The following LRRIQ1 variants were observed in gnomAD, a reference collection of about 807,000 sequenced individuals.
LRRIQ1 encodes leucine rich repeats and IQ motif containing 1.
A neutral mutation model predicts 211.9 loss-of-function variants in LRRIQ1; 210 were observed. The observed-to-expected ratio is 0.99, with a 90% CI of 0.89 to 1.11. The LOEUF (loss-of-function observed/expected upper bound fraction) is 1.11, where lower values mean the gene tolerates loss of function less well. Among genes scored for constraint, LRRIQ1 ranks in the 50% most tolerant of loss-of-function variants. The probability of loss-of-function intolerance (pLI) is 0.00; values close to 1 mark genes in which losing one functional copy is unlikely to be tolerated. For missense variants in LRRIQ1, 2,136 were observed against 1,939.5 expected, an observed-to-expected ratio of 1.10 and a Z score of -1.90; for synonymous variants, 699 against 650.1, an observed-to-expected ratio of 1.08 and a Z score of -1.14.
intron 1 of LRRIQ1, among the ~76,000 whole-genome samples, chr12:85,260,771 A>C (rs139038191): frequency 1.1e-4 from 16 of 152,310 alleles, no homozygotes; most frequent in African/African-American, 3.8e-4. Context: ...AAAATGGACC[A>C]AAGTAGACAT....
intron 24 of LRRIQ1, among the ~76,000 whole-genome samples, chr12:85,202,891 C>A (rs1377411687): frequency 6.6e-6 from 1 of 152,020 alleles, no homozygotes; most frequent in Non-Finnish European, 1.5e-5. Context: ...GGCCTATGTA[C>A]TTAAGTGTGT....
intron 26 of LRRIQ1, 171 bp downstream of exon 26, chr12:85,232,927 A>G (rs1895014599): frequency 1.9e-6 from 1 of 530,148 alleles, no homozygotes; most frequent in East Asian, 3.3e-5. Flanking sequence ...TTGACTTGTA[A>G]TACAATTTAA....
intron 14 of LRRIQ1, among the ~76,000 whole-genome samples, chr12:85,105,651 G>A (rs1214940960): frequency 2.6e-5 from 4 of 151,978 alleles, no homozygotes; most frequent in Non-Finnish European, 5.9e-5. Context: ...GTAAGTCAGG[G>A]TGTTGTTGTC....
At chr12:85,093,718 A>G (rs1885618921) in intron 11 of LRRIQ1, among the ~76,000 whole-genome samples, 1 of 152,230 alleles carries the variant, frequency 6.6e-6, no homozygotes, top group Non-Finnish European at 1.5e-5. Flanking sequence ...TCAAGTCGGC[A>G]GATAAAGTGA....
chr12:85,241,040 T>G (rs1232762662), intron 26 of LRRIQ1, among the ~76,000 whole-genome samples: 1 of 152,038 alleles, frequency 6.6e-6, no homozygotes, highest in African/African-American at 2.4e-5. Flanking sequence ...AAGAAAAAAT[T>G]AGGGCATGTG....
Position 85,042,433 on chromosome 12 carries a change from A to C in LRRIQ1, c.244+1832A>C, listed in dbSNP as rs990635906. Among the ~76,000 whole-genome samples, 3 of 148,272 alleles carry C rather than the reference A, an allele frequency of 2.0e-5. No individual in the cohort carries two copies. The East Asian group carries it at 5.9e-4, about 29-fold the overall frequency. Reference sequence around the variant, plus strand: ...GTAAAATTAAGTATAAATTATTAAAATTATTTTAATTTATTAAATTAAAAT... The same window carrying C: ...GTAAAATTAAGTATAAATTATTAAACTTATTTTAATTTATTAAATTAAAAT... On this transcript the variant is annotated intron_variant, in intron 3 of 26. Transcript: ENST00000393217.
At chr12:85,176,075 G>C (rs1415674279) in intron 24 of LRRIQ1, among the ~76,000 whole-genome samples, 1 of 152,048 alleles carries the variant, frequency 6.6e-6, no homozygotes, top group Non-Finnish European at 1.5e-5. Context: ...GGATGGCATT[G>C]AATCTGTAAA....
intron 15 of LRRIQ1, among the ~76,000 whole-genome samples, chr12:85,118,476 GCTCT>G (rs1168720350): frequency 4.7e-5 from 7 of 147,452 alleles, no homozygotes; most frequent in Non-Finnish European, 8.9e-5. Flanking sequence ...AGCTATTTCT[GCTCT>G]CAGTACATGA....
chr12:85,237,211 A>G (rs574853235), intron 26 of LRRIQ1, among the ~76,000 whole-genome samples: 2 of 152,164 alleles, frequency 1.3e-5, no homozygotes, highest in African/African-American at 4.8e-5. Flanking sequence ...TCAAACAACT[A>G]TTTTATAAGT....
At chr12:85,201,290 A>T (rs1190502986) in intron 24 of LRRIQ1, among the ~76,000 whole-genome samples, 1 of 143,034 alleles carries the variant, frequency 7.0e-6, no homozygotes, top group African/African-American at 2.6e-5. Flanking sequence ...TAGTATCAGG[A>T]TGATGCTGGG....
chr12:85,228,159 A>G (rs1274698277), intron 24 of LRRIQ1, among the ~76,000 whole-genome samples: 1 of 152,248 alleles, frequency 6.6e-6, no homozygotes, highest in East Asian at 1.9e-4. Context: ...AACAAAAGCC[A>G]AAATTGACCA....
At chr12:85,043,497 T>C (rs1165385399) in intron 3 of LRRIQ1, among the ~76,000 whole-genome samples, 3 of 152,054 alleles carry the variant, frequency 2.0e-5, no homozygotes, top group Admixed American at 1.3e-4. Context: ...TGGAACCTTG[T>C]AGGGCTTCTC....
At chr12:85,173,767 C>A (rs1024401139) in intron 24 of LRRIQ1, among the ~76,000 whole-genome samples, 3 of 152,024 alleles carry the variant, frequency 2.0e-5, no homozygotes, top group African/African-American at 7.2e-5. Context: ...TAATTACCTC[C>A]TTAAAGACTG....
At chr12:85,261,408 A>G (rs1236507393) in intron 1 of LRRIQ1, among the ~76,000 whole-genome samples, 1 of 152,206 alleles carries the variant, frequency 6.6e-6, no homozygotes, top group African/African-American at 2.4e-5. Flanking sequence ...TTTACAATCA[A>G]TATTCACCAT....
At chr12:85,049,608 C>A (rs1383471548) in intron 6 of LRRIQ1, among the ~76,000 whole-genome samples, 2 of 152,082 alleles carry the variant, frequency 1.3e-5, no homozygotes, top group East Asian at 1.9e-4. Context: ...ATCGTGAGAT[C>A]ATTCTTATGT....
chr12:85,106,735 C>A (rs2136324184), intron 15 of LRRIQ1, 120 bp downstream of exon 15: 1 of 675,328 alleles, frequency 1.5e-6, no homozygotes, highest in South Asian at 2.0e-5. Flanking sequence ...AATTAAAAGT[C>A]ATTTTAAACC....
At chr12:85,266,762 G>A (rs1260166317), downstream of LRRIQ1, among the ~76,000 whole-genome samples, 2 of 152,172 alleles carry the variant, frequency 1.3e-5, no homozygotes, top group African/African-American at 4.8e-5. Flanking sequence ...AGGTTAGAGT[G>A]AGTGAGAACT....
rs1201081550 is a variant in LRRIQ1 at position 85,235,023 on chromosome 12, G to A, written c.5016+2267G>A. Among the ~76,000 whole-genome samples the A allele has an allele frequency of 2.0e-5, 3 of 152,192 alleles. No homozygotes were observed. The East Asian group carries it at 5.8e-4, about 29-fold the overall frequency. On this transcript the variant is annotated intron_variant, in intron 26 of 26. Transcript: ENST00000393217. ...GATTTTATTTCTTAGTTATAGGGAT[G>A]AGTATCATCCAGAATACTCTTTAGT...
At chr12:85,203,533 C>T (rs1383837240) in intron 24 of LRRIQ1, among the ~76,000 whole-genome samples, 1 of 151,970 alleles carries the variant, frequency 6.6e-6, no homozygotes, top group Non-Finnish European at 1.5e-5. Flanking sequence ...AGTGGCTTTG[C>T]CCAAAATGCT....
Sources: allele counts gnomAD v4.1 joint callset (sites outside exome capture counted in the v4.1 genomes callset), GRCh38; gene constraint gnomAD v4.1.1; transcripts MANE v1.5; gene names NCBI Gene and HGNC (gene_info 2026-07-23, HGNC 2026-07-21).